Variants in SPATA31F1 observed in about 807,000 individuals in gnomAD.
SPATA31F1 encodes the protein SPATA31 subfamily F member 1, also known as protein SPATA31F1.
the SPATA31F1 span, chr9:34,728,513 G>C: frequency 1.1e-5 from 13 of 1,218,064 alleles, no homozygotes; most frequent in African/African-American, 1.5e-4. Context: ...TTCAGTGGCA[G>C]AGCACCTGGC....
the SPATA31F1 span, chr9:34,729,197 T>C: frequency 7.0e-7 from 1 of 1,428,466 alleles, no homozygotes; most frequent in Non-Finnish European, 9.3e-7. Flanking sequence ...ATAAAAATTC[T>C]GGGGTGGGGA....
At chr9:34,726,857 G>A in the SPATA31F1 span, 1 of 1,551,808 alleles carries the variant, frequency 6.4e-7, no homozygotes, top group Non-Finnish European at 8.7e-7. Flanking sequence ...CCCCGATAAA[G>A]TCAGGGAGAT....
the SPATA31F1 span, chr9:34,725,850 G>A: frequency 4.5e-6 from 7 of 1,551,766 alleles, no homozygotes; most frequent in Non-Finnish European, 5.2e-6. Context: ...TCCTTCAAGG[G>A]GGGCTTGGGC....
chr9:34,729,401 C>G, the SPATA31F1 span: 3 of 1,550,762 alleles, frequency 1.9e-6, no homozygotes, highest in East Asian at 4.9e-5. Flanking sequence ...ATCCAACTTC[C>G]CACAGAACAA....
the SPATA31F1 span, chr9:34,726,586 G>T: frequency 6.4e-7 from 1 of 1,551,946 alleles, no homozygotes; most frequent in East Asian, 2.4e-5. Context: ...AAGCTATGGT[G>T]TTTGGGCCCC....
chr9:34,723,144 C>T, the SPATA31F1 span: 2 of 1,438,552 alleles, frequency 1.4e-6, no homozygotes, highest in Non-Finnish European at 9.2e-7. Flanking sequence ...AGGGCTGCAG[C>T]AGTTGGGGAG....
the SPATA31F1 span, chr9:34,723,716 G>A: frequency 1.9e-6 from 3 of 1,551,704 alleles, no homozygotes; most frequent in Non-Finnish European, 2.6e-6. Context: ...AGCCTGAGTT[G>A]GTTGGCTCAG....
At chr9:34,728,603 C>G in the SPATA31F1 span, 27 of 1,550,248 alleles carry the variant, frequency 1.7e-5, 1 homozygote, top group East Asian at 5.6e-4. Context: ...GAGATTGGGA[C>G]TTTACCTGTT....
chr9:34,726,806 G>A, the SPATA31F1 span: 1 of 1,551,678 alleles, frequency 6.4e-7, no homozygotes, highest in Non-Finnish European at 8.7e-7. Flanking sequence ...AGACATACTA[G>A]ACGTAGACAG....
At chr9:34,725,817 A>T in the SPATA31F1 span, 1 of 1,549,944 alleles carries the variant, frequency 6.5e-7, no homozygotes, top group Non-Finnish European at 8.7e-7. Context: ...TGGGGGAAGG[A>T]GAGCTCATTG....
the SPATA31F1 span, chr9:34,723,213 C>T: frequency 6.5e-7 from 1 of 1,547,012 alleles, no homozygotes. Context: ...ATGTTTCTAT[C>T]TGAGGTGAGG....
At chr9:34,723,571 G>T in the SPATA31F1 span, 1 of 1,551,786 alleles carries the variant, frequency 6.4e-7, no homozygotes, top group Admixed American at 2.0e-5. Flanking sequence ...TTGTCTTGGG[G>T]TTAATATGCT....
the SPATA31F1 span, chr9:34,727,896 C>T: frequency 1.2e-6 from 1 of 845,252 alleles, no homozygotes; most frequent in Non-Finnish European, 1.8e-6. Context: ...ACCCAGTGTC[C>T]CTGCTTCCAC....
chr9:34,727,362 A>G, the SPATA31F1 span, among the ~76,000 whole-genome samples: 1 of 152,228 alleles, frequency 6.6e-6, no homozygotes, highest in Non-Finnish European at 1.5e-5. Flanking sequence ...GACCAGTCTT[A>G]TTTGAGGCTA....
chr9:34,728,803 C>T, the SPATA31F1 span: 3 of 776,034 alleles, frequency 3.9e-6, no homozygotes, highest in African/African-American at 3.5e-5. Flanking sequence ...TTTGCCTATT[C>T]CACCTTTTTA....
the SPATA31F1 span, chr9:34,727,875 G>A: frequency 1.4e-6 from 1 of 693,722 alleles, no homozygotes. Flanking sequence ...CTCTTCCCTG[G>A]CAACCCTCTC....
the SPATA31F1 span, chr9:34,723,879 G>A: frequency 6.4e-7 from 1 of 1,551,690 alleles, no homozygotes; most frequent in Non-Finnish European, 8.7e-7. Flanking sequence ...AGCTGTGGGA[G>A]CTTAAGCTGA....
the SPATA31F1 span, chr9:34,723,481 G>C: frequency 6.4e-7 from 1 of 1,551,822 alleles, no homozygotes; most frequent in Non-Finnish European, 8.7e-7. Flanking sequence ...CTGGAGCCAG[G>C]CTCTTTGCAA....
chr9:34,726,805 A>G, the SPATA31F1 span: 1 of 1,551,776 alleles, frequency 6.4e-7, no homozygotes. Flanking sequence ...AAGACATACT[A>G]GACGTAGACA....
Sources: allele counts gnomAD v4.1 joint callset (sites outside exome capture counted in the v4.1 genomes callset), GRCh38; gene constraint gnomAD v4.1.1; transcripts MANE v1.5; gene names NCBI Gene and HGNC (gene_info 2026-07-23, HGNC 2026-07-21).